The following AHI1 variants were observed in gnomAD, a reference collection of about 807,000 sequenced individuals.
AHI1 encodes the protein jouberin.
In AHI1, 123 loss-of-function variants were observed where a neutral mutation model predicts 149.3. The ratio of observed to expected loss-of-function variants is 0.82; its 90% CI spans 0.71 to 0.96. The LOEUF (loss-of-function observed/expected upper bound fraction) is 0.96. AHI1 is among the 40% of genes least tolerant of loss of function. AHI1 has a pLI of 0.00. For missense variants in AHI1, 1,439 were observed against 1,422.7 expected (o/e 1.01, Z -0.18); for synonymous variants, 475 against 459.8 (o/e 1.03, Z -0.42).
chr6:135,311,782 T>C (rs541456147), intron 26 of AHI1, among the ~76,000 whole-genome samples: 59 of 152,348 alleles, frequency 3.9e-4, no homozygotes, highest in African/African-American at 1.4e-3. Context: ...TAGATGCAAT[T>C]TGTAGCACAC....
intron 26 of AHI1, among the ~76,000 whole-genome samples, chr6:135,306,561 G>C (rs17064405): frequency 6.6e-6 from 1 of 152,136 alleles, no homozygotes; most frequent in African/African-American, 2.4e-5. Flanking sequence ...CCAAGACCAC[G>C]GGCCTCGCTG....
chr6:135,359,994 T>C (rs1793605141), intron 23 of AHI1, among the ~76,000 whole-genome samples: 1 of 152,074 alleles, frequency 6.6e-6, no homozygotes, highest in Non-Finnish European at 1.5e-5. Context: ...AAAGTTATAA[T>C]CTTAGTTTTA....
chr6:135,299,304 ATAAC>A (rs1783556851), intron 27 of AHI1, among the ~76,000 whole-genome samples: 2 of 152,230 alleles, frequency 1.3e-5, no homozygotes, highest in Admixed American at 1.3e-4. Flanking sequence ...ATTCCTGTAA[ATAAC>A]TGTCATCTGA....
chr6:135,295,044 T>C (rs919436986), intron 27 of AHI1, among the ~76,000 whole-genome samples: 6 of 152,182 alleles, frequency 3.9e-5, no homozygotes, highest in African/African-American at 1.4e-4. Flanking sequence ...ATAAAGAACA[T>C]ATTTAGAATA....
At chr6:135,331,735 C>G (rs1310332014) in intron 24 of AHI1, among the ~76,000 whole-genome samples, 1 of 152,178 alleles carries the variant, frequency 6.6e-6, no homozygotes, top group Non-Finnish European at 1.5e-5. Flanking sequence ...CACGCTTGAG[C>G]ACTTTTTCCT....
rs117435812 is a variant in AHI1 at position 135,441,908 on chromosome 6, A to G, written c.1912+674T>C. 4.3e-4 allele frequency among the ~76,000 whole-genome samples: 66 copies of G among 152,274 alleles called. No individual in the cohort carries two copies. In the East Asian group the frequency reaches 0.01, roughly 23 times the overall value. ...TGATTAAAAAAAAGGGAATCAACCAATTAATAGCAAACTGTGTTAAGCTGA... is the reference window on the plus strand; with the variant it reads ...TGATTAAAAAAAAGGGAATCAACCAGTTAATAGCAAACTGTGTTAAGCTGA... On this transcript the variant is annotated intron_variant, in intron 14 of 28. Transcript: ENST00000265602.
At chr6:135,314,242 T>G (rs1443287084) in intron 26 of AHI1, among the ~76,000 whole-genome samples, 1 of 152,188 alleles carries the variant, frequency 6.6e-6, no homozygotes, top group Non-Finnish European at 1.5e-5. Context: ...AGAGCCCTCA[T>G]AAATGGTATT....
intron 11 of AHI1, among the ~76,000 whole-genome samples, chr6:135,452,938 T>C (rs1422809953): frequency 2.0e-5 from 3 of 152,218 alleles, no homozygotes; most frequent in Non-Finnish European, 4.4e-5. Context: ...TAAAAATTTA[T>C]AATTAAATGA....
At chr6:135,370,312 G>A (rs561166537) in intron 23 of AHI1, among the ~76,000 whole-genome samples, 1 of 152,210 alleles carries the variant, frequency 6.6e-6, no homozygotes, top group Non-Finnish European at 1.5e-5. Context: ...CCTTCTAGGG[G>A]GACTTTGGGA....
At chr6:135,335,114 C>T (rs9321502) in intron 24 of AHI1, among the ~76,000 whole-genome samples, 4 of 151,950 alleles carry the variant, frequency 2.6e-5, no homozygotes, top group African/African-American at 4.8e-5. Context: ...GCCAAACTTA[C>T]GAAATTAACC....
chr6:135,442,071 A>G (rs79189192), intron 14 of AHI1, among the ~76,000 whole-genome samples: 1 of 152,170 alleles, frequency 6.6e-6, no homozygotes. Context: ...GAACAGTATG[A>G]TAATGCTCAC....
intron 18 of AHI1, among the ~76,000 whole-genome samples, chr6:135,429,134 A>G (rs540607954): frequency 6.6e-6 from 1 of 151,848 alleles, no homozygotes; most frequent in East Asian, 1.9e-4. Flanking sequence ...TAATGGATAG[A>G]ATTTTTATAC....
intron 23 of AHI1, among the ~76,000 whole-genome samples, chr6:135,369,954 A>G (rs965866657): frequency 6.6e-6 from 1 of 152,156 alleles, no homozygotes; most frequent in Non-Finnish European, 1.5e-5. Context: ...GTTATTTAAC[A>G]TATGTGTAAC....
In AHI1 at chr6:135,308,954, G is replaced by A. The variant is rs142750423; in HGVS notation, c.3427-8396C>T. Among the ~76,000 whole-genome samples the A allele has an allele frequency of 1.2e-3, 180 of 152,298 alleles. 1 individual carries two copies. The highest frequency in any genetic ancestry group is 2.0e-3 in the Non-Finnish European group (135 of 68,032). On this transcript the variant is annotated intron_variant, in intron 26 of 28. Coordinates refer to ENST00000265602, the MANE Select transcript of AHI1 (RefSeq NM_001134831.2). ...GTCTCACCTTGTAGAGAGTTAAGAG[G>A]GTCCTGGAAATATGGAGAGCACTTG...
intron 23 of AHI1, among the ~76,000 whole-genome samples, chr6:135,380,290 T>C (rs1282013870): frequency 6.6e-6 from 1 of 152,038 alleles, no homozygotes; most frequent in East Asian, 1.9e-4. Flanking sequence ...AATGAACACA[T>C]AGACTTTTTT....
chr6:135,444,281 T>C (rs551399963), intron 13 of AHI1, among the ~76,000 whole-genome samples: 19 of 152,284 alleles, frequency 1.2e-4, no homozygotes, highest in East Asian at 1.2e-3. Flanking sequence ...TCAAATACAA[T>C]TGTTATTTTT....
chr6:135,377,102 C>T (rs766684922), intron 23 of AHI1, among the ~76,000 whole-genome samples: 3 of 151,708 alleles, frequency 2.0e-5, no homozygotes, highest in Non-Finnish European at 4.4e-5. Context: ...AATCTGAATA[C>T]GAACTGTTTA....
rs145674474 is a variant in AHI1 at position 135,345,185 on chromosome 6, C to G, written c.3165+12947G>C. Among the ~76,000 whole-genome samples, 664 of 152,210 alleles carry G rather than the reference C, an allele frequency of 4.4e-3. 8 individuals are homozygous for G. The highest frequency in any genetic ancestry group is 0.015 in the African/African-American group (625 of 41,532). ...ATAATACAAAATCAGTAACAAGTTA[C>G]GATGTGGGGACACTGCAACACTCAT... On this transcript the variant is annotated intron_variant, in intron 24 of 28. Transcript: ENST00000265602.
At chr6:135,407,883 A>C (rs1478943632) in intron 21 of AHI1, among the ~76,000 whole-genome samples, 1 of 151,944 alleles carries the variant, frequency 6.6e-6, no homozygotes. Context: ...ATACAAAAAA[A>C]AATTAATCGG....
Sources: gnomAD v4.1 joint callset for allele counts (sites outside exome capture counted in the v4.1 genomes callset) on GRCh38, gnomAD v4.1.1 for gene constraint, MANE v1.5 for transcripts, NCBI Gene and HGNC (gene_info 2026-07-23, HGNC 2026-07-21) for gene names.